The following RIC1 variants were observed in gnomAD, a reference collection of about 807,000 sequenced individuals.
The protein encoded by RIC1 is guanine nucleotide exchange factor subunit RIC1.
A neutral mutation model predicts 169.0 loss-of-function variants in RIC1; 88 were observed. The ratio of observed to expected loss-of-function variants is 0.52; its 90% CI spans 0.44 to 0.62. The LOEUF is 0.62. Among genes scored for constraint, RIC1 ranks in the 20% least tolerant of loss-of-function variants. RIC1 has a pLI of 0.00. For synonymous variants in RIC1, 790 were observed against 601.5 expected (o/e 1.31, Z -4.59); for missense variants, 1,877 against 1,725.5 (o/e 1.09, Z -1.56).
At chr9:5,715,668 T>G (rs1823190740) in intron 4 of RIC1, among the ~76,000 whole-genome samples, 1 of 152,232 alleles carries the variant, frequency 6.6e-6, no homozygotes, top group Non-Finnish European at 1.5e-5. Context: ...AAGAGTACTA[T>G]CTCATCTTTT....
chr9:5,679,919 A>C (rs1357203709), intron 2 of RIC1, among the ~76,000 whole-genome samples: 1 of 152,194 alleles, frequency 6.6e-6, no homozygotes, highest in Non-Finnish European at 1.5e-5. Flanking sequence ...GTCTTGTGCC[A>C]GTTTTCAAAG....
chr9:5,674,383 G>A (rs1416075419), intron 2 of RIC1, among the ~76,000 whole-genome samples: 1 of 152,014 alleles, frequency 6.6e-6, no homozygotes, highest in Non-Finnish European at 1.5e-5. Context: ...ACTAGAAGCA[G>A]GTCAGCATTT....
intron 6 of RIC1, among the ~76,000 whole-genome samples, chr9:5,730,557 A>G (rs549021359): frequency 1.5e-3 from 234 of 152,278 alleles, no homozygotes; most frequent in Non-Finnish European, 3.0e-3. Context: ...TTAAGTGGTA[A>G]TGATTTAAAA....
intron 15 of RIC1, among the ~76,000 whole-genome samples, chr9:5,755,872 G>A (rs1825978223): frequency 1.3e-5 from 2 of 151,986 alleles, no homozygotes; most frequent in African/African-American, 2.4e-5. Flanking sequence ...GCAGTGAGCC[G>A]AGATCATGCC....
At chr9:5,702,642 A>G (rs996568976) in intron 3 of RIC1, among the ~76,000 whole-genome samples, 4 of 152,030 alleles carry the variant, frequency 2.6e-5, no homozygotes, top group Non-Finnish European at 4.4e-5. Context: ...GGGTTGAAGC[A>G]ATTCTCCTGC....
At position 5,650,099 on chromosome 9, in the gene RIC1, G is replaced by A. The variant is rs1289331408; in HGVS notation, c.145-6484G>A. Among the ~76,000 whole-genome samples, 4 of 152,088 alleles carry A rather than the reference G, an allele frequency of 2.6e-5. 1 individual carries two copies. In the East Asian group the frequency reaches 5.8e-4, roughly 22 times the overall value. ...GCAGCAGACTGTGTGCCTGTCCTTCGGCCCCAGGGTACACAGGCATGGTGT... is the reference window on the plus strand; with the variant it reads ...GCAGCAGACTGTGTGCCTGTCCTTCAGCCCCAGGGTACACAGGCATGGTGT... On this transcript the variant is annotated intron_variant, in intron 1 of 25. Transcript: ENST00000414202.
At position 5,759,032 on chromosome 9, in the gene RIC1, C is replaced by T. The variant is rs560750728; in HGVS notation, c.1992+1581C>T. 4.6e-5 allele frequency among the ~76,000 whole-genome samples: 7 copies of T among 152,224 alleles called. No individual in the cohort carries two copies. The South Asian group carries it at 1.0e-3, about 23-fold the overall frequency. Reference sequence around the variant, plus strand: ...TGCTGGGATTAAGGGCGTGAGCCATCGTGCTCGGCCTTGGTCTCCCTTCTA... The same window carrying T: ...TGCTGGGATTAAGGGCGTGAGCCATTGTGCTCGGCCTTGGTCTCCCTTCTA... On this transcript the variant is annotated intron_variant, in intron 17 of 25. Transcript: ENST00000414202.
At chr9:5,757,845 G>C (rs1826096897) in intron 17 of RIC1, among the ~76,000 whole-genome samples, 2 of 152,138 alleles carry the variant, frequency 1.3e-5, no homozygotes, top group Admixed American at 1.3e-4. Context: ...CCATAGACAA[G>C]GCAGAACATG....
chr9:5,751,271 C>G (rs1425893513), intron 12 of RIC1, among the ~76,000 whole-genome samples: 1 of 151,758 alleles, frequency 6.6e-6, no homozygotes, highest in Non-Finnish European at 1.5e-5. Flanking sequence ...GTTGAAAATG[C>G]TTTCAAGTTT....
At chr9:5,667,463 C>G (rs1819842248) in intron 2 of RIC1, among the ~76,000 whole-genome samples, 1 of 148,524 alleles carries the variant, frequency 6.7e-6, no homozygotes, top group South Asian at 2.1e-4. Flanking sequence ...ATTTTATGTG[C>G]ACATTTAGGT....
chr9:5,761,825 G>A (rs1826359138), intron 17 of RIC1, among the ~76,000 whole-genome samples: 1 of 152,078 alleles, frequency 6.6e-6, no homozygotes, highest in Non-Finnish European at 1.5e-5. Context: ...GGGCTCAATT[G>A]GAAATCATTA....
In RIC1 at chr9:5,722,348, A is replaced by AGAGAGTGT. The variant is rs374028302; in HGVS notation, c.720+1599_720+1600insAGAGTGTG. On this transcript the variant is annotated intron_variant, in intron 6 of 25. Coordinates refer to ENST00000414202, the MANE Select transcript of RIC1 (RefSeq NM_020829.4). ...CTTGCAAAAACTATAAGAGAGAGAG[A>AGAGAGTGT]GTGTGTGTGTGTGTGTGTGTGTGTG... 8.4e-3 allele frequency among the ~76,000 whole-genome samples: 1,099 copies of AGAGAGTGT among 131,318 alleles called. 27 individuals carry two copies. Among genetic ancestry groups the AGAGAGTGT allele is most frequent in the African/African-American group, 0.028 (965 of 34,832 alleles). 86.1% of individuals were successfully genotyped at this position (131,318 alleles called of 152,430 possible).
At chr9:5,661,173 A>G (rs1035939492) in intron 2 of RIC1, among the ~76,000 whole-genome samples, 4 of 151,988 alleles carry the variant, frequency 2.6e-5, no homozygotes, top group Admixed American at 6.6e-5. Context: ...TGGGTTCTCT[A>G]TTCTGTTACG....
At position 5,729,353 on chromosome 9, in the gene RIC1, A is replaced by T. The variant is rs1002135054; in HGVS notation, c.721-3035A>T. On this transcript the variant is annotated intron_variant, in intron 6 of 25. Coordinates refer to ENST00000414202, the MANE Select transcript of RIC1 (RefSeq NM_020829.4). ...TCTGGGAGGACCTGGTTGCTTCTTTAAGTAGGTTTTGAACCACTTCTACTA... is the reference window on the plus strand; with the variant it reads ...TCTGGGAGGACCTGGTTGCTTCTTTTAGTAGGTTTTGAACCACTTCTACTA... Among the ~76,000 whole-genome samples the T allele has an allele frequency of 2.0e-5, 3 of 152,084 alleles. No individual in the cohort carries two copies. In the South Asian group the frequency reaches 6.2e-4, roughly 32 times the overall value.
At chr9:5,697,667 A>G (rs1196604623) in intron 3 of RIC1, among the ~76,000 whole-genome samples, 1 of 152,208 alleles carries the variant, frequency 6.6e-6, no homozygotes, top group African/African-American at 2.4e-5. Context: ...AATCGTTCTG[A>G]GCCTTTCCAG....
At chr9:5,678,599 T>C (rs1319323131) in intron 2 of RIC1, among the ~76,000 whole-genome samples, 1 of 152,154 alleles carries the variant, frequency 6.6e-6, no homozygotes, top group Admixed American at 6.5e-5. Flanking sequence ...TGATGGCCAG[T>C]GATGATGAGC....
chr9:5,767,189 C>T (rs1281238012), intron 21 of RIC1, among the ~76,000 whole-genome samples: 1 of 152,166 alleles, frequency 6.6e-6, no homozygotes, highest in African/African-American at 2.4e-5. Flanking sequence ...TCTAATTATA[C>T]TTTTTGATAT....
chr9:5,685,333 A>T (rs1460951967), intron 2 of RIC1, among the ~76,000 whole-genome samples: 4 of 151,786 alleles, frequency 2.6e-5, no homozygotes, highest in African/African-American at 9.7e-5. Context: ...ATCCTAAGCC[A>T]AAAGAACAAA....
At chr9:5,764,319 G>A (rs560046600) in intron 19 of RIC1, among the ~76,000 whole-genome samples, 1 of 152,272 alleles carries the variant, frequency 6.6e-6, no homozygotes, top group African/African-American at 2.4e-5. Context: ...ACTTATTAGA[G>A]CATGGTCATA....
Sources: gnomAD v4.1 joint callset for allele counts (sites outside exome capture counted in the v4.1 genomes callset) on GRCh38, gnomAD v4.1.1 for gene constraint, MANE v1.5 for transcripts, NCBI Gene and HGNC (gene_info 2026-07-23, HGNC 2026-07-21) for gene names.